IL1RAPL2: variants seen among roughly 807,000 people sequenced by gnomAD.
IL1RAPL2 encodes the protein interleukin 1 receptor accessory protein like 2.
In IL1RAPL2, 3 loss-of-function variants were observed where a neutral mutation model predicts 44.1. The ratio of observed to expected loss-of-function variants is 0.07; its 90% CI spans 0.03 to 0.18. IL1RAPL2 has a LOEUF of 0.18. Ranked by LOEUF, IL1RAPL2 falls within the 10% of genes least tolerant of loss-of-function variation. IL1RAPL2 has a pLI of 1.00. For missense variants in IL1RAPL2, 391 were observed against 496.4 expected (o/e 0.79, Z 2.02); for synonymous variants, 181 against 178.8 (o/e 1.01, Z -0.10).
At chrX:105,165,772 A>G (rs749324747) in intron 2 of IL1RAPL2, among the ~76,000 whole-genome samples, 29 of 111,589 alleles carry the variant, frequency 2.6e-4, no homozygotes, top group Non-Finnish European at 4.0e-4. Flanking sequence ...TCATAATTGT[A>G]GTTTCCTTTG....
rs1602924844 is a variant in IL1RAPL2, at chrX:105,054,746, C to T, written c.83-140729C>T. Among the ~76,000 whole-genome samples the T allele has an allele frequency of 3.6e-5, 4 of 112,261 alleles. No homozygotes were observed. In the East Asian group the frequency reaches 8.4e-4, roughly 24 times the overall value. On this transcript the variant is annotated intron_variant, in intron 2 of 10. Coordinates refer to ENST00000372582, the MANE Select transcript of IL1RAPL2 (RefSeq NM_017416.2). ...CATTGCTATTACCACACAGAATTTT[C>T]TTGGACAGTACTGATCTAGATAACC...
chrX:104,703,387 C>T (rs1174560230), intron 2 of IL1RAPL2, among the ~76,000 whole-genome samples: 2 of 111,722 alleles, frequency 1.8e-5, no homozygotes, highest in African/African-American at 3.3e-5. Flanking sequence ...GCTCACAGCT[C>T]TTTGTGTGTT....
intron 2 of IL1RAPL2, among the ~76,000 whole-genome samples, chrX:105,176,829 G>A (rs1292198906): frequency 9.0e-6 from 1 of 111,251 alleles, no homozygotes; most frequent in Non-Finnish European, 1.9e-5. Context: ...GGTGGAGGAA[G>A]TGCTCAGGGT....
chrX:105,398,963 C>T (rs1277972653), intron 5 of IL1RAPL2, among the ~76,000 whole-genome samples: 1 of 111,844 alleles, frequency 8.9e-6, no homozygotes, highest in Admixed American at 9.5e-5. Context: ...TCCTCTACAA[C>T]CTCCTTCAGA....
chrX:104,972,132 C>T (rs187252109), intron 2 of IL1RAPL2, among the ~76,000 whole-genome samples: 4 of 111,478 alleles, frequency 3.6e-5, no homozygotes, highest in East Asian at 2.8e-4. Flanking sequence ...TTTCCAGAAG[C>T]GGGCAGTACT....
At chrX:105,060,856 A>G (rs2032067009) in intron 2 of IL1RAPL2, among the ~76,000 whole-genome samples, 1 of 109,938 alleles carries the variant, frequency 9.1e-6, no homozygotes, top group African/African-American at 3.3e-5. Context: ...TAGTGGCCCC[A>G]ATGTTCCTTT....
intron 1 of IL1RAPL2, among the ~76,000 whole-genome samples, chrX:104,631,850 A>C (rs1175812202): frequency 9.1e-6 from 1 of 109,424 alleles, no homozygotes; most frequent in Admixed American, 9.7e-5. Flanking sequence ...GTTTAATTAG[A>C]TCCCATTTGT....
intron 2 of IL1RAPL2, among the ~76,000 whole-genome samples, chrX:104,982,225 T>A (rs191370523): frequency 1.3e-3 from 145 of 110,954 alleles, no homozygotes; most frequent in African/African-American, 4.6e-3. Context: ...GCATATGTGA[T>A]CAGTATACAC....
intron 2 of IL1RAPL2, among the ~76,000 whole-genome samples, chrX:105,112,794 G>C: frequency 8.9e-6 from 1 of 112,789 alleles, no homozygotes; most frequent in African/African-American, 3.2e-5. Context: ...TGTTACAAAA[G>C]AAACTGCTAA....
chrX:104,805,264 AATT>A (rs1932914179), intron 2 of IL1RAPL2, among the ~76,000 whole-genome samples: 1 of 111,917 alleles, frequency 8.9e-6, no homozygotes. Flanking sequence ...AGCATGTGGG[AATT>A]ATTTATATCC....
At chrX:105,506,230 A>C (rs2036430045) in intron 6 of IL1RAPL2, among the ~76,000 whole-genome samples, 1 of 110,952 alleles carries the variant, frequency 9.0e-6, no homozygotes, top group South Asian at 3.8e-4. Flanking sequence ...CCTCTCCCCA[A>C]ATGGTGGCTT....
intron 2 of IL1RAPL2, among the ~76,000 whole-genome samples, chrX:104,767,747 A>G (rs1932580106): frequency 8.9e-6 from 1 of 112,012 alleles, no homozygotes; most frequent in African/African-American, 3.2e-5. Context: ...CAAATGGTGC[A>G]AAGTCCCTGC....
chrX:104,587,427 T>C (rs1338297131), intron 1 of IL1RAPL2, among the ~76,000 whole-genome samples: 1 of 111,668 alleles, frequency 9.0e-6, no homozygotes, highest in Non-Finnish European at 1.9e-5. Flanking sequence ...CTATAGACAG[T>C]GATTCTCAAA....
intron 6 of IL1RAPL2, among the ~76,000 whole-genome samples, chrX:105,575,401 C>T (rs2037043269): frequency 9.0e-6 from 1 of 111,317 alleles, no homozygotes; most frequent in African/African-American, 3.3e-5. Context: ...CATCATTTAG[C>T]TTATAAGTGA....
chrX:104,873,288 T>C (rs1024298946), intron 2 of IL1RAPL2, among the ~76,000 whole-genome samples: 1 of 111,348 alleles, frequency 9.0e-6, no homozygotes, highest in Non-Finnish European at 1.9e-5. Context: ...CGTCACTGAG[T>C]TACCTCCAAA....
chrX:105,152,611 G>A (rs1205880190), intron 2 of IL1RAPL2, among the ~76,000 whole-genome samples: 4 of 111,895 alleles, frequency 3.6e-5, no homozygotes, highest in Non-Finnish European at 7.5e-5. Flanking sequence ...TGAATATCAC[G>A]AATCTAATTT....
At chrX:105,015,496 C>T (rs1417405095) in intron 2 of IL1RAPL2, among the ~76,000 whole-genome samples, 4 of 111,523 alleles carry the variant, frequency 3.6e-5, no homozygotes, top group South Asian at 7.4e-4. Context: ...TTGTATAAGG[C>T]GTAAAGAAGA....
chrX:105,439,038 C>G (rs1281257475), intron 5 of IL1RAPL2, among the ~76,000 whole-genome samples: 1 of 111,260 alleles, frequency 9.0e-6, no homozygotes, highest in Admixed American at 9.6e-5. Context: ...CACTCCCTCT[C>G]TCTCCTGCTG....
At chrX:105,657,080 AC>A (rs2037682196) in intron 6 of IL1RAPL2, among the ~76,000 whole-genome samples, 2 of 111,234 alleles carry the variant, frequency 1.8e-5, no homozygotes, top group Non-Finnish European at 3.8e-5. Context: ...GACTCTGACT[AC>A]TCCTATTACT....
Sources: gnomAD v4.1 joint callset for allele counts (sites outside exome capture counted in the v4.1 genomes callset) on GRCh38, gnomAD v4.1.1 for gene constraint, MANE v1.5 for transcripts, NCBI Gene and HGNC (gene_info 2026-07-23, HGNC 2026-07-21) for gene names.